The following UBXN7 variants were observed in gnomAD, a reference collection of about 807,000 sequenced individuals.
The protein encoded by UBXN7 is UBX domain-containing protein 7.
In UBXN7, 9 loss-of-function variants were observed where a neutral mutation model predicts 58.0. That is an observed-to-expected ratio of 0.16 (90% CI 0.09 to 0.27). The LOEUF (loss-of-function observed/expected upper bound fraction) is 0.27, where lower values mean the gene tolerates loss of function less well. Ranked by LOEUF, UBXN7 falls within the 10% of genes least tolerant of loss-of-function variation. UBXN7 has a pLI of 1.00. For synonymous variants in UBXN7, 208 were observed against 205.0 expected, an observed-to-expected ratio of 1.01 and a Z score of -0.12; for missense variants, 328 against 599.6, an observed-to-expected ratio of 0.55 and a Z score of 4.73.
At chr3:196,383,726 AAAT>A (rs1298455065) in intron 5 of UBXN7, among the ~76,000 whole-genome samples, 1 of 152,232 alleles carries the variant, frequency 6.6e-6, no homozygotes, top group Non-Finnish European at 1.5e-5. Flanking sequence ...ATGAAGGCAG[AAAT>A]AATGATGTTC....
chr3:196,389,940 A>C (rs1242761567), intron 5 of UBXN7, among the ~76,000 whole-genome samples: 2 of 152,174 alleles, frequency 1.3e-5, no homozygotes, highest in African/African-American at 2.4e-5. Flanking sequence ...ATTTTAAGAA[A>C]TGGGGTTTCA....
intron 1 of UBXN7, among the ~76,000 whole-genome samples, chr3:196,426,048 T>C (rs947545466): frequency 3.9e-5 from 6 of 152,082 alleles, no homozygotes; most frequent in Admixed American, 3.9e-4. Flanking sequence ...ATGAATCTAC[T>C]AGTAAGATTC....
At position 196,353,235 on chromosome 3, in the gene UBXN7, T is replaced by C. The variant is rs530752737; in HGVS notation, c.*3450A>G. 2.6e-4 allele frequency: 39 copies of C among 152,340 alleles called. No homozygotes were observed. Among genetic ancestry groups the C allele is most frequent in the African/African-American group, 8.2e-4 (34 of 41,574 alleles). The allele number at this position is 152,340 out of a possible 1,614,324, so 9.4% of individuals were successfully genotyped here. On this transcript the variant is annotated 3_prime_UTR_variant, in exon 11 of 11. Transcript: ENST00000296328. ...ATTCCAATTCTGATTTGCCACTCAC[T>C]AGCTATGAGTCCTGAATAAGTTCTC...
intron 3 of UBXN7, among the ~76,000 whole-genome samples, chr3:196,401,768 TAAAAAAAAA>T (rs1204342911): frequency 8.5e-6 from 1 of 117,498 alleles, no homozygotes; most frequent in Non-Finnish European, 1.7e-5. Flanking sequence ...ATCTCTATTT[TAAAAAAAAA>T]AAAAAAAAAA....
rs1184475716 is a variant in UBXN7 at position 196,353,548 on chromosome 3, T to C, written c.*3137A>G. On this transcript the variant is annotated 3_prime_UTR_variant, in exon 11 of 11. Coordinates refer to ENST00000296328, the MANE Select transcript of UBXN7 (RefSeq NM_015562.2). ...TGTCGCCCAGGCTGGAGTGTAATGGTGCGATCTTGGCTCACTGCAACCTCT... is the reference window on the plus strand; with the variant it reads ...TGTCGCCCAGGCTGGAGTGTAATGGCGCGATCTTGGCTCACTGCAACCTCT... 2.6e-5 allele frequency: 4 copies of C among 151,272 alleles called. No homozygotes were observed. Among genetic ancestry groups the C allele is most frequent in the African/African-American group, 9.7e-5 (4 of 41,132 alleles). The allele number at this position is 151,272 out of a possible 1,614,324, so 9.4% of individuals were successfully genotyped here.
chr3:196,395,664 C>T (rs554473183), intron 3 of UBXN7, among the ~76,000 whole-genome samples: 3 of 151,996 alleles, frequency 2.0e-5, no homozygotes, highest in Non-Finnish European at 4.4e-5. Flanking sequence ...CACTATATCG[C>T]CCAGGCTAGT....
intron 1 of UBXN7, among the ~76,000 whole-genome samples, chr3:196,409,250 G>A (rs766862512): frequency 5.9e-5 from 9 of 151,788 alleles, no homozygotes; most frequent in Admixed American, 2.0e-4. Flanking sequence ...TTTTGTTTAC[G>A]TCCTCATCTG....
At chr3:196,375,660 T>A (rs999953681) in intron 5 of UBXN7, among the ~76,000 whole-genome samples, 1 of 152,198 alleles carries the variant, frequency 6.6e-6, no homozygotes, top group Non-Finnish European at 1.5e-5. Flanking sequence ...AAAGCCATTA[T>A]AATGGAGACC....
chr3:196,389,874 T>TA (rs1035868493), intron 5 of UBXN7, among the ~76,000 whole-genome samples: 2 of 151,580 alleles, frequency 1.3e-5, no homozygotes, highest in African/African-American at 4.8e-5. Context: ...AGGACACATT[T>TA]AAAAAAAAAT....
rs1167284912 is a variant in UBXN7 at position 196,351,288 on chromosome 3, A to T, written c.*5397T>A. 2 of 152,190 alleles carry T rather than the reference A, an allele frequency of 1.3e-5. No homozygotes were observed. The highest frequency in any genetic ancestry group is 4.8e-5 in the African/African-American group (2 of 41,446). The allele number at this position is 152,190 out of a possible 1,614,324, so 9.4% of individuals were successfully genotyped here. On this transcript the variant is annotated 3_prime_UTR_variant, in exon 11 of 11. Coordinates refer to ENST00000296328, the MANE Select transcript of UBXN7 (RefSeq NM_015562.2). ...AAAATTTAGTGCCAGCGTTAGTGTC[A>T]TATTTGGTTCTCATTTACATTTTAG...
rs368684662 is a variant in UBXN7, at chr3:196,369,440, G to A, written c.687C>T (p.Ser229=). 1.7e-5 allele frequency: 28 copies of A among 1,612,972 alleles called. No individual in the cohort carries two copies. The highest frequency in any genetic ancestry group is 2.3e-5 in the Non-Finnish European group (27 of 1,179,386). The part of the protein sequence containing the change: ...FYKLGDFPYV[S]ILDPRTGQKL... ...TCTTACCTGTCCGTGGGTCCAATAT[G>A]GAAACATAGGGGAAATCCCCTAACT... Residue 229 remains serine (S), a synonymous_variant, in exon 7 of 11, where the codon TCC becomes TCT. Transcript: ENST00000296328.
intron 5 of UBXN7, among the ~76,000 whole-genome samples, chr3:196,372,300 TTCTCTC>T (rs144595952): frequency 0.021 from 2,850 of 133,566 alleles, 92 homozygotes; most frequent in Admixed American, 0.076. Flanking sequence ...TAATAGCTGA[TTCTCTC>T]TCTCTCTCTC....
At chr3:196,419,292 TTAAATAAA>T (rs756643464) in intron 1 of UBXN7, among the ~76,000 whole-genome samples, 3,237 of 148,950 alleles carry the variant, frequency 0.022, 95 homozygotes, top group South Asian at 0.076. Context: ...TCTAAATAAA[TTAAATAAA>T]TAAATAAATA....
At chr3:196,391,202 G>C (rs1040352808) in intron 5 of UBXN7, among the ~76,000 whole-genome samples, 6 of 152,052 alleles carry the variant, frequency 3.9e-5, no homozygotes, top group Non-Finnish European at 8.8e-5. Context: ...AAAGATATAT[G>C]AACAAGTGAG....
At chr3:196,362,175 G>A (rs1303279327) in intron 9 of UBXN7, 119 bp downstream of exon 9, 39 of 1,345,824 alleles carry the variant, frequency 2.9e-5, no homozygotes, top group Non-Finnish European at 3.7e-5. Context: ...TGTATTTTTA[G>A]TAGAGACAGG....
intron 1 of UBXN7, among the ~76,000 whole-genome samples, chr3:196,415,106 A>C (rs968177751): frequency 6.6e-6 from 1 of 150,958 alleles, no homozygotes; most frequent in Non-Finnish European, 1.5e-5. Context: ...TGTTTCCCTA[A>C]TATTTGTACA....
In UBXN7 at chr3:196,369,397, G is replaced by T. The variant is rs1439649131; in HGVS notation, c.706+24C>A. The T allele has an allele frequency of 2.6e-6, 4 of 1,532,116 alleles. No individual in the cohort carries two copies. The Admixed American group carries it at 6.8e-5, about 26-fold the overall frequency. 94.9% of individuals were successfully genotyped at this position (1,532,116 alleles called of 1,614,324 possible). The stretch of plus-strand genomic sequence containing the variant: ...CTGAAAGACAAGTAATAGGTTAAAA[G>T]CTGCGTGCTGATATAAATCTTACCT... On this transcript the variant is annotated intron_variant, in intron 7 of 10. Coordinates refer to ENST00000296328, the MANE Select transcript of UBXN7 (RefSeq NM_015562.2).
intron 5 of UBXN7, among the ~76,000 whole-genome samples, chr3:196,385,034 G>A (rs560296595): frequency 4.6e-5 from 7 of 152,118 alleles, no homozygotes; most frequent in African/African-American, 1.7e-4. Flanking sequence ...CCCTTTGCAC[G>A]GTCTCCCTCT....
chr3:196,362,315 C>T lies in UBXN7; in HGVS notation c.1207G>A (p.Val403Met). 1 of 1,609,942 alleles carries T rather than the reference C, an allele frequency of 6.2e-7. No homozygotes were observed. Among genetic ancestry groups the T allele is most frequent in the Non-Finnish European group, 8.5e-7 (1 of 1,178,500 alleles). Residue 403 changes from valine (V) to methionine (M), a missense_variant, in exon 9 of 11, where the codon GTG becomes ATG. Transcript: ENST00000296328. ...TTACCATTTACATCTATCCCCTCCA[C>T]TACTCCATCTGCTTTTTCAGGTGGC... ...EMPPEKADGV[V>M]EGIDVNGPKA...
Sources: gnomAD v4.1 joint callset for allele counts (sites outside exome capture counted in the v4.1 genomes callset) on GRCh38, gnomAD v4.1.1 for gene constraint, MANE v1.5 for transcripts, NCBI Gene and HGNC (gene_info 2026-07-23, HGNC 2026-07-21) for gene names.